The following RADX variants were observed in gnomAD, a reference collection of about 807,000 sequenced individuals.
The protein encoded by RADX is RPA-related protein RADX.
In RADX, 36 loss-of-function variants were observed where a neutral mutation model predicts 61.6. That is an observed-to-expected ratio of 0.58 (90% CI 0.45 to 0.77). RADX has a LOEUF of 0.77. RADX is among the 30% of genes least tolerant of loss of function. RADX has a pLI of 0.00. For synonymous variants in RADX, 272 were observed against 237.9 expected (o/e 1.14, Z -1.32); for missense variants, 497 against 651.1 (o/e 0.76, Z 2.58).
At chrX:106,631,195 A>G (rs1000321538) in intron 3 of RADX, among the ~76,000 whole-genome samples, 1 of 112,066 alleles carries the variant, frequency 8.9e-6, no homozygotes, top group African/African-American at 3.2e-5. Context: ...CCACTACATA[A>G]TCAATGAAGA....
chrX:106,616,442 C>G (rs912515096), intron 1 of RADX, among the ~76,000 whole-genome samples: 1 of 111,493 alleles, frequency 9.0e-6, no homozygotes, highest in Non-Finnish European at 1.9e-5. Flanking sequence ...ATTTCTTTTA[C>G]GTACTTCCTT....
At chrX:106,624,690 A>G (rs1029251309) in intron 2 of RADX, among the ~76,000 whole-genome samples, 4 of 111,716 alleles carry the variant, frequency 3.6e-5, no homozygotes, top group Non-Finnish European at 5.6e-5. Flanking sequence ...TCTCTGGAAT[A>G]TGGATTCAGT....
At chrX:106,620,093 A>G (rs748522015) in intron 1 of RADX, among the ~76,000 whole-genome samples, 96 of 111,514 alleles carry the variant, frequency 8.6e-4, no homozygotes, top group Non-Finnish European at 1.6e-3. Context: ...TGCTCTCGCA[A>G]GTGTACAGTG....
At chrX:106,636,079 A>G (rs181307991) in intron 6 of RADX, among the ~76,000 whole-genome samples, 31 of 112,084 alleles carry the variant, frequency 2.8e-4, no homozygotes, top group African/African-American at 9.7e-4. Flanking sequence ...AAGGAGTTAG[A>G]GTAATTCAGA....
intron 10 of RADX, among the ~76,000 whole-genome samples, chrX:106,643,029 A>G (rs1320081627): frequency 9.0e-6 from 1 of 110,642 alleles, no homozygotes; most frequent in Non-Finnish European, 1.9e-5. Context: ...ATTTTTTTTC[A>G]GCATCAAATG....
At chrX:106,657,889 G>A (rs916098725) in intron 11 of RADX, among the ~76,000 whole-genome samples, 1 of 111,387 alleles carries the variant, frequency 9.0e-6, no homozygotes, top group Non-Finnish European at 1.9e-5. Context: ...TTACCAAAAC[G>A]TGACGCAGAG....
chrX:106,617,599 C>T (rs778234794), intron 1 of RADX, among the ~76,000 whole-genome samples: 1 of 111,648 alleles, frequency 9.0e-6, no homozygotes, highest in Non-Finnish European at 1.9e-5. Context: ...TTGAGTTTTA[C>T]ACTTTATCAA....
chrX:106,613,095 G>A (rs1237770064), intron 1 of RADX, among the ~76,000 whole-genome samples: 2 of 112,213 alleles, frequency 1.8e-5, no homozygotes, highest in African/African-American at 6.5e-5. Flanking sequence ...TGTGGAAATA[G>A]TACGTTGTGT....
chrX:106,669,420 G>A (rs1928314007), intron 13 of RADX, 90 bp downstream of exon 13: 1 of 597,000 alleles, frequency 1.7e-6, no homozygotes, highest in East Asian at 3.5e-5. Context: ...AACAGTTTTA[G>A]CCTTAAAATT....
chrX:106,667,698 A>G (rs1434821617), intron 12 of RADX, among the ~76,000 whole-genome samples: 1 of 111,490 alleles, frequency 9.0e-6, no homozygotes, highest in Non-Finnish European at 1.9e-5. Flanking sequence ...CCAATATTTT[A>G]TAATGTAGAA....
intron 12 of RADX, among the ~76,000 whole-genome samples, chrX:106,666,431 G>A (rs1486161829): frequency 9.0e-6 from 1 of 111,714 alleles, no homozygotes; most frequent in Admixed American, 9.6e-5. Flanking sequence ...AGCATTAATT[G>A]GTAAGGGAAT....
At chrX:106,641,272 C>T (rs1165491739) in intron 10 of RADX, among the ~76,000 whole-genome samples, 4 of 106,279 alleles carry the variant, frequency 3.8e-5, no homozygotes, top group Non-Finnish European at 7.6e-5. Flanking sequence ...CATAAGTCTG[C>T]CCTCTGGTCC....
At chrX:106,644,733 A>G (rs1927614401) in intron 10 of RADX, among the ~76,000 whole-genome samples, 1 of 110,677 alleles carries the variant, frequency 9.0e-6, no homozygotes, top group African/African-American at 3.3e-5. Context: ...GTTTTCTTTT[A>G]TGGATGTGTC....
At chrX:106,660,489 AT>A (rs1225602366) in intron 11 of RADX, among the ~76,000 whole-genome samples, 1 of 111,987 alleles carries the variant, frequency 8.9e-6, no homozygotes, top group Non-Finnish European at 1.9e-5. Flanking sequence ...CAGAAGTAGT[AT>A]TTTAACCATA....
At chrX:106,616,998 T>TTTG (rs1350175170) in intron 1 of RADX, among the ~76,000 whole-genome samples, 2 of 107,404 alleles carry the variant, frequency 1.9e-5, no homozygotes, top group East Asian at 5.7e-4. Flanking sequence ...TTGGCATTTC[T>TTTG]TTGTTTTTTT....
intron 13 of RADX, among the ~76,000 whole-genome samples, chrX:106,676,399 A>G (rs1488942615): frequency 8.9e-6 from 1 of 111,899 alleles, no homozygotes. Flanking sequence ...AGTGCCCCCA[A>G]ATAGTATACC....
chrX:106,666,274 A>G (rs1024288668), intron 12 of RADX, among the ~76,000 whole-genome samples: 1 of 112,152 alleles, frequency 8.9e-6, no homozygotes, highest in African/African-American at 3.2e-5. Flanking sequence ...TACCCATGAA[A>G]TCTGATGAGT....
At chrX:106,652,157 A>T (rs1392064399) in intron 11 of RADX, among the ~76,000 whole-genome samples, 1 of 111,216 alleles carries the variant, frequency 9.0e-6, no homozygotes, top group Non-Finnish European at 1.9e-5. Flanking sequence ...CATATAAGAG[A>T]CACACTTAAG....
At chrX:106,649,558 C>A (rs372410116) in intron 11 of RADX, among the ~76,000 whole-genome samples, 2 of 111,631 alleles carry the variant, frequency 1.8e-5, no homozygotes, top group East Asian at 5.6e-4. Flanking sequence ...TAGTACCAGC[C>A]ATTTATTGAG....
Sources: allele counts gnomAD v4.1 joint callset (sites outside exome capture counted in the v4.1 genomes callset), GRCh38; gene constraint gnomAD v4.1.1; transcripts MANE v1.5; gene names NCBI Gene and HGNC (gene_info 2026-07-23, HGNC 2026-07-21).